WWP2: variants seen among roughly 807,000 people sequenced by gnomAD.
WWP2 encodes WW domain containing E3 ubiquitin protein ligase 2, also known as NEDD4-like E3 ubiquitin-protein ligase WWP2.
Under a neutral mutation model 121.0 loss-of-function variants are expected in WWP2, and 57 were observed. That is an observed-to-expected ratio of 0.47 (90% CI 0.38 to 0.59). The LOEUF is 0.59. Ranked by LOEUF, WWP2 falls within the 20% of genes least tolerant of loss-of-function variation. WWP2 has a pLI of 0.00. For synonymous variants in WWP2, 449 were observed against 441.3 expected (o/e 1.02, Z -0.22); for missense variants, 962 against 1,158.9 (o/e 0.83, Z 2.47).
chr16:69,874,267 G>T (rs2057695907), intron 7 of WWP2, among the ~76,000 whole-genome samples: 1 of 152,182 alleles, frequency 6.6e-6, no homozygotes, highest in African/African-American at 2.4e-5. Context: ...GCCGTGGGGA[G>T]CAGGCAGAAG....
At chr16:69,929,315 C>A in intron 11 of WWP2, 133 bp from the exon 12 acceptor site, 1 of 763,782 alleles carries the variant, frequency 1.3e-6, no homozygotes, top group Non-Finnish European at 2.1e-6. Context: ...TTGGCTTTGG[C>A]TGGTTCTTCT....
At chr16:69,768,927 G>A (rs567381191) in intron 1 of WWP2, among the ~76,000 whole-genome samples, 1 of 152,320 alleles carries the variant, frequency 6.6e-6, no homozygotes, top group African/African-American at 2.4e-5. Context: ...CTGGACAGAG[G>A]AAGGAGGCCA....
rs1018000193 is a variant in WWP2 at position 69,933,980 on chromosome 16, T to C, written c.1693T>C (p.Phe565Leu). The C allele has an allele frequency of 6.2e-7, 1 of 1,613,676 alleles. No individual in the cohort carries two copies. The highest frequency in any genetic ancestry group is 8.5e-7 in the Non-Finnish European group (1 of 1,179,714). ...DYGGIAREWF[F>L]LLSHEVLNPM... is the part of the protein sequence containing the mutation. ...TCTCTTCCCTCACAGAGAGTGGTTT[T>C]TCCTCCTGTCTCATGAGGTGCTCAA... Residue 565 changes from phenylalanine (F) to leucine (L), a missense_variant, in exon 17 of 24, where the codon TTC becomes CTC. Coordinates refer to ENST00000359154, the MANE Select transcript of WWP2 (RefSeq NM_001270454.2).
At chr16:69,883,400 G>GCGCACACACA (rs141327083) in intron 7 of WWP2, among the ~76,000 whole-genome samples, 1 of 145,862 alleles carries the variant, frequency 6.9e-6, no homozygotes, top group Non-Finnish European at 1.5e-5. Flanking sequence ...AAGAATGTGC[G>GCGCACACACA]CACACACACA....
intron 4 of WWP2, among the ~76,000 whole-genome samples, chr16:69,816,631 A>G (rs1596990227): frequency 6.6e-6 from 1 of 152,160 alleles, no homozygotes; most frequent in African/African-American, 2.4e-5. Context: ...TAAAAAGGAC[A>G]ATATTCTGAG....
chr16:69,776,970 C>CAGTA (rs2055543709), intron 1 of WWP2, among the ~76,000 whole-genome samples: 1 of 151,660 alleles, frequency 6.6e-6, no homozygotes, highest in African/African-American at 2.4e-5. Context: ...TGTTGTAGAC[C>CAGTA]AGTAGTCTCA....
chr16:69,921,783 G>A lies in WWP2; in HGVS notation c.1180-3647G>A, dbSNP rs374242897. On this transcript the variant is annotated intron_variant, in intron 10 of 23. Coordinates refer to ENST00000359154, the MANE Select transcript of WWP2 (RefSeq NM_001270454.2). ...CATCTCTCTCTGCAGTATTGAAACA[G>A]ATTATTTTGACTGGGCGCGGTGGCT... Among the ~76,000 whole-genome samples, 13 of 152,206 alleles carry A rather than the reference G, an allele frequency of 8.5e-5. No homozygotes were observed. In the South Asian group the frequency reaches 1.7e-3, roughly 19 times the overall value.
At chr16:69,802,149 C>T (rs1411813954) in intron 4 of WWP2, among the ~76,000 whole-genome samples, 1 of 151,912 alleles carries the variant, frequency 6.6e-6, no homozygotes, top group Admixed American at 6.6e-5. Context: ...AGGCTGGTCT[C>T]GATCTCCTGA....
At chr16:69,846,731 A>T (rs2057088007) in intron 6 of WWP2, among the ~76,000 whole-genome samples, 1 of 151,866 alleles carries the variant, frequency 6.6e-6, no homozygotes, top group African/African-American at 2.4e-5. Flanking sequence ...AGAAAAAAAA[A>T]AAAAGAAAAA....
At position 69,940,150 on chromosome 16, in the gene WWP2, C is replaced by T; in HGVS notation, c.*210C>T. On this transcript the variant is annotated 3_prime_UTR_variant, in exon 24 of 24. Coordinates refer to ENST00000359154, the MANE Select transcript of WWP2 (RefSeq NM_001270454.2). ...CGGATGGCAGTCTGGAATAAAGCCC[C>T]CTAGTTGCCTTTGGCCCCACCTTTG... 1 of 582,060 alleles carries T rather than the reference C, an allele frequency of 1.7e-6. No homozygotes were observed. The highest frequency in any genetic ancestry group is 3.1e-6 in the Non-Finnish European group (1 of 327,762). 36.1% of individuals were successfully genotyped at this position (582,060 alleles called of 1,614,324 possible). A position where few individuals can be genotyped will look rare whatever the true frequency, so the allele number is the denominator to read the frequency against.
intron 2 of WWP2, among the ~76,000 whole-genome samples, chr16:69,792,106 T>G (rs1273260042): frequency 6.6e-6 from 1 of 152,194 alleles, no homozygotes; most frequent in Non-Finnish European, 1.5e-5. Context: ...AGAAAGCTGA[T>G]AGTGTAACCT....
chr16:69,849,840 C>A (rs2057167737), intron 6 of WWP2, among the ~76,000 whole-genome samples: 1 of 105,218 alleles, frequency 9.5e-6, no homozygotes, highest in African/African-American at 5.2e-5. Flanking sequence ...TAATTACACA[C>A]TCATTTATAC....
At chr16:69,845,494 A>T (rs1263553803) in intron 6 of WWP2, among the ~76,000 whole-genome samples, 1 of 152,152 alleles carries the variant, frequency 6.6e-6, no homozygotes, top group Non-Finnish European at 1.5e-5. Flanking sequence ...TCTGAAGGGT[A>T]GGTTTTTCTT....
At chr16:69,879,440 T>C (rs2057787279) in intron 7 of WWP2, among the ~76,000 whole-genome samples, 1 of 152,100 alleles carries the variant, frequency 6.6e-6, no homozygotes, top group African/African-American at 2.4e-5. Flanking sequence ...GTTTCTGCAT[T>C]TTCTTATTCT....
intron 2 of WWP2, among the ~76,000 whole-genome samples, chr16:69,797,183 T>C (rs371865327): frequency 6.6e-6 from 1 of 152,220 alleles, no homozygotes; most frequent in East Asian, 1.9e-4. Flanking sequence ...TTGTACTCCA[T>C]GAGTCTTTGG....
intron 1 of WWP2, among the ~76,000 whole-genome samples, chr16:69,783,950 A>G (rs1012699003): frequency 3.3e-5 from 5 of 152,072 alleles, no homozygotes; most frequent in South Asian, 2.1e-4. Context: ...GTGAGATACC[A>G]TCTCTAAAAA....
chr16:69,936,406 G>A lies in WWP2; in HGVS notation c.2071G>A (p.Gly691Ser), dbSNP rs1290128886. ...GACGACCCACGAGCTGAAGGAGGGC[G>A]GCGAGAGCATCCGGGTCACAGAGGA... ...KVTTHELKEG[G>S]ESIRVTEENK... Residue 691 changes from glycine (G) to serine (S), a missense_variant, in exon 19 of 24, where the codon GGC (glycine) becomes AGC (serine). This residue lies in a region of WWP2 where 606 missense variants were observed against 772.6 expected (regional missense o/e 0.78). Transcript: ENST00000359154. 11 of 1,613,990 alleles carry A rather than the reference G, an allele frequency of 6.8e-6. No homozygotes were observed. The highest frequency in any genetic ancestry group is 1.3e-5 in the African/African-American group (1 of 74,908).
intron 4 of WWP2, among the ~76,000 whole-genome samples, chr16:69,817,961 C>T (rs1449835761): frequency 6.6e-6 from 1 of 151,758 alleles, no homozygotes; most frequent in Non-Finnish European, 1.5e-5. Flanking sequence ...CCCAGGCATG[C>T]AGTCGCTGGG....
chr16:69,865,813 C>G (rs961016497), intron 6 of WWP2, among the ~76,000 whole-genome samples: 1 of 152,168 alleles, frequency 6.6e-6, no homozygotes, highest in African/African-American at 2.4e-5. Context: ...CAGAAAGATA[C>G]TGAGTGCACA....
Sources: allele counts gnomAD v4.1 joint callset (sites outside exome capture counted in the v4.1 genomes callset), GRCh38; gene constraint gnomAD v4.1.1; regional missense constraint gnomAD v4.1.1; transcripts MANE v1.5; gene names NCBI Gene and HGNC (gene_info 2026-07-23, HGNC 2026-07-21).